Variants in CNTNAP3B observed in about 807,000 individuals in gnomAD.
CNTNAP3B encodes contactin associated protein family member 3B, also known as contactin-associated protein-like 3B.
In CNTNAP3B, 25 loss-of-function variants were observed where a neutral mutation model predicts 108.9. The ratio of observed to expected loss-of-function variants is 0.23; its 90% CI spans 0.17 to 0.32. The LOEUF is 0.32. CNTNAP3B is among the 10% of genes least tolerant of loss of function. The pLI is 1.00. For missense variants in CNTNAP3B, 252 were observed against 1,210.4 expected, an observed-to-expected ratio of 0.21 and a Z score of 11.75; for synonymous variants, 103 against 473.4, an observed-to-expected ratio of 0.22 and a Z score of 10.16.
At chr9:41,962,946 C>T (rs1220175764) in intron 11 of CNTNAP3B, among the ~76,000 whole-genome samples, 11 of 151,026 alleles carry the variant, frequency 7.3e-5, no homozygotes, top group African/African-American at 2.2e-4. Context: ...CAGAGCAAGA[C>T]TCCGTCTCAA....
chr9:41,976,972 C>A (rs1195537289), intron 9 of CNTNAP3B, among the ~76,000 whole-genome samples: 1 of 142,216 alleles, frequency 7.0e-6, no homozygotes, highest in Non-Finnish European at 1.5e-5. Context: ...TAAAGCAAAT[C>A]TAAAAGCAAA....
intron 3 of CNTNAP3B, among the ~76,000 whole-genome samples, chr9:42,070,762 C>A (rs1169855233): frequency 6.6e-6 from 1 of 152,166 alleles, no homozygotes; most frequent in Non-Finnish European, 1.5e-5. Context: ...CCTTCTGCCC[C>A]CTCCGTTAGT....
intron 15 of CNTNAP3B, among the ~76,000 whole-genome samples, chr9:41,928,389 A>C (rs1222201483): frequency 6.6e-6 from 1 of 151,994 alleles, no homozygotes; most frequent in Non-Finnish European, 1.5e-5. Flanking sequence ...GCCCCCAGAC[A>C]AGGGTCCGGG....
intron 14 of CNTNAP3B, among the ~76,000 whole-genome samples, chr9:41,934,140 T>TATATAA: frequency 8.8e-6 from 1 of 113,404 alleles, no homozygotes; most frequent in African/African-American, 3.2e-5. Context: ...CATATATATA[T>TATATAA]ACACACACAT....
At chr9:41,958,889 A>G (rs28627870) in intron 12 of CNTNAP3B, among the ~76,000 whole-genome samples, 45,366 of 118,492 alleles carry the variant, frequency 0.38, 5,960 homozygotes, top group East Asian at 0.46. Context: ...GTGAGAACCC[A>G]GTCAAGCTAG....
intron 10 of CNTNAP3B, among the ~76,000 whole-genome samples, chr9:41,969,590 A>T (rs1371180670): frequency 2.6e-5 from 4 of 152,036 alleles, no homozygotes; most frequent in Non-Finnish European, 5.9e-5. Flanking sequence ...TATCATTTAA[A>T]AAATGCTATT....
intron 2 of CNTNAP3B, among the ~76,000 whole-genome samples, chr9:42,098,507 T>C (rs1226404527): frequency 1.1e-5 from 1 of 93,670 alleles, no homozygotes; most frequent in Admixed American, 1.2e-4. Flanking sequence ...GGCATGAACC[T>C]GGGAGGTGGA....
chr9:41,957,802 C>G (rs557468808), intron 12 of CNTNAP3B, among the ~76,000 whole-genome samples: 1 of 152,280 alleles, frequency 6.6e-6, no homozygotes, highest in Admixed American at 6.5e-5. Flanking sequence ...GCTCTGTCAC[C>G]CAGGCTGGAG....
chr9:41,955,844 A>T (rs1207579372), intron 12 of CNTNAP3B, among the ~76,000 whole-genome samples: 2 of 152,266 alleles, frequency 1.3e-5, no homozygotes, highest in African/African-American at 4.8e-5. Context: ...ATTGGAATTA[A>T]CAGTACAGAT....
chr9:41,930,032 G>C (rs1291318746), intron 14 of CNTNAP3B, among the ~76,000 whole-genome samples: 1 of 149,874 alleles, frequency 6.7e-6, no homozygotes, highest in Non-Finnish European at 1.5e-5. Context: ...AATAAAAATA[G>C]TAACACTGGA....
rs543332522 is a variant in CNTNAP3B, at chr9:42,093,213, C to G, written c.196+11416G>C. ...ACAAAAAATTAGCCAGGCGTGGTGG[C>G]GCGACCCTGTAATCCCAGTTACTCA... On this transcript the variant is annotated intron_variant, in intron 2 of 23. Coordinates refer to ENST00000377561, the MANE Select transcript of CNTNAP3B (RefSeq NM_001201380.3). Among the ~76,000 whole-genome samples, 7 of 94,152 alleles carry G rather than the reference C, an allele frequency of 7.4e-5. 3 individuals carry two copies. The East Asian group carries it at 4.0e-3, about 54-fold the overall frequency. 61.8% of individuals were successfully genotyped at this position (94,152 alleles called of 152,430 possible).
chr9:42,071,542 G>A (rs1329709792), intron 3 of CNTNAP3B, among the ~76,000 whole-genome samples: 8 of 138,232 alleles, frequency 5.8e-5, no homozygotes, highest in Non-Finnish European at 1.2e-4. Flanking sequence ...CATTCATATG[G>A]TGCATAAAAT....
In CNTNAP3B at chr9:41,969,088, G is replaced by C. The variant is rs542856121; in HGVS notation, c.1649+986C>G. On this transcript the variant is annotated intron_variant, in intron 10 of 23. Coordinates refer to ENST00000377561, the MANE Select transcript of CNTNAP3B (RefSeq NM_001201380.3). ...TGGGATTACAGGCGTGAGCCACCAC[G>C]CTGGGCCAGATTATCACTTTTCAAT... Among the ~76,000 whole-genome samples, 162 of 152,368 alleles carry C rather than the reference G, an allele frequency of 1.1e-3. No homozygotes were observed. The Middle Eastern group carries it at 0.021, about 20-fold the overall frequency.
chr9:42,089,532 A>G (rs1827773898), intron 2 of CNTNAP3B, among the ~76,000 whole-genome samples: 1 of 145,828 alleles, frequency 6.9e-6, no homozygotes, highest in Non-Finnish European at 1.5e-5. Context: ...ATTTTAAACT[A>G]TGGTGCCAAG....
chr9:42,094,698 A>C (rs1827865664), intron 2 of CNTNAP3B, among the ~76,000 whole-genome samples: 2 of 89,872 alleles, frequency 2.2e-5, no homozygotes, highest in African/African-American at 8.6e-5. Flanking sequence ...AAAGAAAAAA[A>C]GAGGGAAGGA....
intron 3 of CNTNAP3B, among the ~76,000 whole-genome samples, chr9:42,019,630 G>T (rs533518574): frequency 2.0e-5 from 3 of 149,130 alleles, no homozygotes; most frequent in African/African-American, 5.1e-5. Context: ...GCATGGTGGC[G>T]TGCCCCTGTA....
chr9:42,112,269 C>T (rs2118716875), intron 1 of CNTNAP3B, among the ~76,000 whole-genome samples: 1 of 139,830 alleles, frequency 7.2e-6, no homozygotes, highest in East Asian at 2.2e-4. Flanking sequence ...AGTCTTCTCA[C>T]ATGTGTGAAG....
intron 13 of CNTNAP3B, among the ~76,000 whole-genome samples, chr9:41,944,866 C>A (rs1390874903): frequency 2.6e-5 from 4 of 152,280 alleles, no homozygotes; most frequent in Non-Finnish European, 5.9e-5. Context: ...TTGCAATCTA[C>A]CCATCTGACA....
intron 17 of CNTNAP3B, among the ~76,000 whole-genome samples, chr9:41,922,124 G>A (rs377057226): frequency 7.2e-6 from 1 of 139,044 alleles, no homozygotes; most frequent in East Asian, 2.0e-4. Context: ...CTGAGGCTTG[G>A]CTATCTCATC....
Sources: gnomAD v4.1 joint callset for allele counts (sites outside exome capture counted in the v4.1 genomes callset) on GRCh38, gnomAD v4.1.1 for gene constraint, MANE v1.5 for transcripts, NCBI Gene and HGNC (gene_info 2026-07-23, HGNC 2026-07-21) for gene names.